The following PLB1 variants were observed in gnomAD, a reference collection of about 807,000 sequenced individuals.
PLB1 encodes phospholipase B1, also known as phospholipase B1, membrane-associated.
Under a neutral mutation model 227.4 loss-of-function variants are expected in PLB1, and 242 were observed. The observed-to-expected ratio is 1.06, with a 90% CI of 0.96 to 1.18. PLB1 has a LOEUF of 1.18. Among genes scored for constraint, PLB1 ranks in the 50% most tolerant of loss-of-function variants. The probability of loss-of-function intolerance (pLI) is 0.00; values close to 1 mark genes in which losing one functional copy is unlikely to be tolerated. For synonymous variants in PLB1, 757 were observed against 682.2 expected, an observed-to-expected ratio of 1.11 and a Z score of -1.71; for missense variants, 1,858 against 1,816.3, an observed-to-expected ratio of 1.02 and a Z score of -0.42.
intron 30 of PLB1, 147 bp from the exon 31 acceptor site, chr2:28,591,553 A>G: frequency 2.7e-6 from 2 of 736,088 alleles, no homozygotes; most frequent in East Asian, 2.6e-5. Flanking sequence ...TCACCTAGGG[A>G]GCCTTCTTCA....
chr2:28,625,049 C>T lies in PLB1; in HGVS notation c.3528-8C>T, dbSNP rs772441008. ...GCACTAACGCCCCTCTCTCTACCCC[C>T]CACCTAGGGACATGCCAGCCCAGGC... On this transcript the variant is annotated splice_region_variant and splice_polypyrimidine_tract_variant and intron_variant, in intron 49 of 57. Transcript: ENST00000327757. 1.2e-6 allele frequency: 2 copies of T among 1,613,230 alleles called. No individual in the cohort carries two copies. Among genetic ancestry groups the T allele is most frequent in the East Asian group, 2.2e-5 (1 of 44,800 alleles).
intron 19 of PLB1, 121 bp downstream of exon 19, chr2:28,565,474 A>G: frequency 2.4e-6 from 2 of 819,720 alleles, no homozygotes; most frequent in South Asian, 3.7e-5. Context: ...CTTTTCTATG[A>G]CCAACTTCTA....
At position 28,628,532 on chromosome 2, in the gene PLB1, G is replaced by A. The variant is rs76301807; in HGVS notation, c.3661-31G>A. The A allele has an allele frequency of 3.6e-4, 574 of 1,608,254 alleles. 1 individual carries two copies. The African/African-American group carries it at 6.9e-3, about 19-fold the overall frequency. On this transcript the variant is annotated intron_variant, in intron 51 of 57. Transcript: ENST00000327757. Reference sequence around the variant, plus strand: ...CCATTCTCTCAGAGCGGGCACCAGGGGCTAAAGAGAGTACCCTTTTTTCCT... The same window carrying A: ...CCATTCTCTCAGAGCGGGCACCAGGAGCTAAAGAGAGTACCCTTTTTTCCT...
intron 1 of PLB1, among the ~76,000 whole-genome samples, chr2:28,506,978 C>T (rs1464357881): frequency 6.6e-6 from 1 of 152,224 alleles, no homozygotes; most frequent in South Asian, 2.1e-4. Context: ...ACCTTCCTGA[C>T]GGTCTCCCTT....
chr2:28,583,466 GA>G (rs72197582), intron 25 of PLB1, among the ~76,000 whole-genome samples: 60,462 of 151,972 alleles, frequency 0.4, 12,807 homozygotes, highest in African/African-American at 0.55. Context: ...TTACAGGCGT[GA>G]AGCCACCATG....
intron 18 of PLB1, among the ~76,000 whole-genome samples, chr2:28,563,999 G>C (rs1471195142): frequency 6.6e-6 from 1 of 152,086 alleles, no homozygotes; most frequent in Non-Finnish European, 1.5e-5. Context: ...CAGCACTTTA[G>C]AAGGCCAGGG....
At chr2:28,532,317 CATGGATGGATGG>C (rs10656827) in intron 9 of PLB1, 123 bp downstream of exon 9, 13 of 597,762 alleles carry the variant, frequency 2.2e-5, no homozygotes, top group Middle Eastern at 3.0e-4. Flanking sequence ...TATTTTAGAA[CATGGATGGATGG>C]ATGGATGGAT....
intron 26 of PLB1, 63 bp from the exon 27 acceptor site, chr2:28,589,387 C>A: frequency 1.6e-6 from 2 of 1,221,028 alleles, no homozygotes; most frequent in South Asian, 2.4e-5. Context: ...AGAAAGAGAT[C>A]AATCAAGGAC....
intron 21 of PLB1, among the ~76,000 whole-genome samples, chr2:28,575,666 G>A (rs1365117594): frequency 6.6e-6 from 1 of 152,130 alleles, no homozygotes; most frequent in African/African-American, 2.4e-5. Context: ...CGCCTCCCAG[G>A]TTCAAGCGAT....
chr2:28,632,875 G>A, intron 55 of PLB1, 69 bp from the exon 56 acceptor site: 1 of 1,168,798 alleles, frequency 8.6e-7, no homozygotes, highest in Non-Finnish European at 1.3e-6. Context: ...GCACCTGCTG[G>A]GAGAGTGAGT....
intron 17 of PLB1, among the ~76,000 whole-genome samples, chr2:28,559,099 C>T (rs1211308957): frequency 6.6e-6 from 1 of 152,208 alleles, no homozygotes; most frequent in Non-Finnish European, 1.5e-5. Context: ...AATCATAGCT[C>T]ACTGCAGCCT....
Position 28,589,615 on chromosome 2 carries a change from G to A in PLB1, c.1921-60G>A, listed in dbSNP as rs1681522584. The A allele has an allele frequency of 5.6e-6, 9 of 1,607,884 alleles. No homozygotes were observed. In the Admixed American group the frequency reaches 1.2e-4, roughly 21 times the overall value. ...ACAGATAGTGTGTGGCTGTTTCTGA[G>A]TGTCACTTATATGATCCAGTGTGTC... On this transcript the variant is annotated intron_variant, in intron 27 of 57. Transcript: ENST00000327757.
At chr2:28,574,689 G>T (rs2148258194) in intron 21 of PLB1, among the ~76,000 whole-genome samples, 1 of 151,620 alleles carries the variant, frequency 6.6e-6, no homozygotes, top group South Asian at 2.1e-4. Context: ...GAGCCACCAT[G>T]CCTGGCCCAT....
At chr2:28,636,035 GTGTGTGTATGTATGTGTA>G (rs1352678272) in intron 56 of PLB1, among the ~76,000 whole-genome samples, 4 of 151,408 alleles carry the variant, frequency 2.6e-5, no homozygotes, top group African/African-American at 7.3e-5. Context: ...GTGTATGTGT[GTGTGTGTATGTATGTGTA>G]TGTGTGTATG....
chr2:28,562,613 T>C (rs1316938478), intron 17 of PLB1, among the ~76,000 whole-genome samples: 8 of 150,652 alleles, frequency 5.3e-5, no homozygotes, highest in Non-Finnish European at 1.2e-4. Flanking sequence ...AACTGATTTT[T>C]ATAGGATGAT....
chr2:28,597,739 T>C (rs1285251681), intron 33 of PLB1, among the ~76,000 whole-genome samples: 1 of 152,200 alleles, frequency 6.6e-6, no homozygotes, highest in East Asian at 1.9e-4. Flanking sequence ...TCTGGGCACA[T>C]AGTATATACT....
At chr2:28,639,082 G>T (rs1008726379) in intron 56 of PLB1, among the ~76,000 whole-genome samples, 2 of 143,004 alleles carry the variant, frequency 1.4e-5, no homozygotes, top group African/African-American at 5.1e-5. Flanking sequence ...AAAAAAAAAA[G>T]CCACTACAGG....
In PLB1 at chr2:28,543,188, C is replaced by T. The variant is rs185042363; in HGVS notation, c.880-24C>T. ...GCATTCCTGGGGAGACAAAAGGTCC[C>T]GCTGTCAACTGGTTCTCTTTTAGGA... On this transcript the variant is annotated intron_variant, in intron 13 of 57. Coordinates refer to ENST00000327757, the MANE Select transcript of PLB1 (RefSeq NM_153021.5). The T allele has an allele frequency of 3.0e-5, 48 of 1,596,870 alleles. No homozygotes were observed. In the Admixed American group the frequency reaches 3.3e-4, roughly 11 times the overall value.
chr2:28,578,545 A>G (rs1295798780), intron 22 of PLB1, among the ~76,000 whole-genome samples: 1 of 152,124 alleles, frequency 6.6e-6, no homozygotes, highest in Non-Finnish European at 1.5e-5. Flanking sequence ...CAGTCAGGGA[A>G]GGCTTGAAAA....
Sources: allele counts gnomAD v4.1 joint callset (sites outside exome capture counted in the v4.1 genomes callset), GRCh38; gene constraint gnomAD v4.1.1; transcripts MANE v1.5; gene names NCBI Gene and HGNC (gene_info 2026-07-23, HGNC 2026-07-21).